WNT3: variants seen among roughly 807,000 people sequenced by gnomAD.
WNT3 encodes the protein Wnt family member 3.
In WNT3, 7 loss-of-function variants were observed where a neutral mutation model predicts 34.2. The ratio of observed to expected loss-of-function variants is 0.20; its 90% CI spans 0.12 to 0.38. The LOEUF is 0.38. Among genes scored for constraint, WNT3 ranks in the 10% least tolerant of loss-of-function variants. WNT3 has a pLI of 1.00. For synonymous variants in WNT3, 212 were observed against 211.5 expected (o/e 1.00, Z -0.02); for missense variants, 267 against 499.8 (o/e 0.53, Z 4.44).
At chr17:46,794,955 T>TG (rs1291245313) in intron 1 of WNT3, among the ~76,000 whole-genome samples, 8 of 152,072 alleles carry the variant, frequency 5.3e-5, no homozygotes, top group Non-Finnish European at 1.2e-4. Flanking sequence ...TTCACCATGT[T>TG]GGCCAGGCTG....
At chr17:46,782,616 C>T (rs916207867) in intron 1 of WNT3, among the ~76,000 whole-genome samples, 2 of 152,386 alleles carry the variant, frequency 1.3e-5, no homozygotes, top group East Asian at 3.9e-4. Context: ...TGGCAGATGT[C>T]AGGACAGGAA....
At chr17:46,813,558 A>G (rs2084303468) in intron 1 of WNT3, among the ~76,000 whole-genome samples, 2 of 151,904 alleles carry the variant, frequency 1.3e-5, no homozygotes, top group Non-Finnish European at 2.9e-5. Context: ...CAGCTGGAGA[A>G]GGTTTCTGTG....
intron 1 of WNT3, among the ~76,000 whole-genome samples, chr17:46,797,016 A>G (rs1334074978): frequency 6.6e-6 from 1 of 152,216 alleles, no homozygotes; most frequent in Admixed American, 6.5e-5. Context: ...AATGGGGGAA[A>G]ATGGGAAAAG....
intron 1 of WNT3, among the ~76,000 whole-genome samples, chr17:46,779,090 CACACACACACA>C (rs2059436685): frequency 1.3e-5 from 2 of 148,336 alleles, no homozygotes; most frequent in South Asian, 2.1e-4. Flanking sequence ...CACACACACA[CACACACACACA>C]CACCCCAGCC....
intron 1 of WNT3, among the ~76,000 whole-genome samples, chr17:46,809,902 T>A (rs2084249174): frequency 6.6e-6 from 1 of 152,056 alleles, no homozygotes; most frequent in Non-Finnish European, 1.5e-5. Context: ...CTGCTGGAAA[T>A]ATCAACTCCT....
At chr17:46,786,286 G>A (rs2059506046) in intron 1 of WNT3, among the ~76,000 whole-genome samples, 1 of 152,124 alleles carries the variant, frequency 6.6e-6, no homozygotes, top group African/African-American at 2.4e-5. Flanking sequence ...AGAAGCGGGG[G>A]ATGGAGGGGT....
In WNT3 at chr17:46,817,724, C is replaced by T. The variant is rs999809183; in HGVS notation, c.80+794G>A. 2.0e-5 allele frequency among the ~76,000 whole-genome samples: 3 copies of T among 151,970 alleles called. No individual in the cohort carries two copies. The East Asian group carries it at 5.8e-4, about 29-fold the overall frequency. On this transcript the variant is annotated intron_variant, in intron 1 of 4. Transcript: ENST00000225512. ...TCTCAGGGACGGAATTCTCCCTTCC[C>T]TCTCCCTTTCTCCTCGGTCCTCGGT...
chr17:46,780,917 C>A (rs1467716286), intron 1 of WNT3, among the ~76,000 whole-genome samples: 1 of 152,100 alleles, frequency 6.6e-6, no homozygotes, highest in African/African-American at 2.4e-5. Context: ...GTGGCCCATA[C>A]ATACAGTGGG....
At chr17:46,789,023 G>A (rs944960095) in intron 1 of WNT3, among the ~76,000 whole-genome samples, 2 of 152,210 alleles carry the variant, frequency 1.3e-5, no homozygotes, top group African/African-American at 4.8e-5. Context: ...AGCTCCCCAG[G>A]GCTCCTCAGA....
intron 1 of WNT3, among the ~76,000 whole-genome samples, chr17:46,800,555 G>C (rs942275657): frequency 1.3e-5 from 2 of 152,202 alleles, no homozygotes; most frequent in Non-Finnish European, 2.9e-5. Flanking sequence ...CACATGAAGA[G>C]GTATCTGAGA....
At chr17:46,767,779 TTTTGTTTG>T (rs200353370) in intron 4 of WNT3, among the ~76,000 whole-genome samples, 6 of 152,040 alleles carry the variant, frequency 3.9e-5, no homozygotes, top group Admixed American at 1.3e-4. Flanking sequence ...TTTTGTTTTT[TTTTGTTTG>T]TTTGTTTGTT....
intron 1 of WNT3, among the ~76,000 whole-genome samples, chr17:46,817,212 T>C (rs1222895929): frequency 3.3e-5 from 5 of 152,216 alleles, no homozygotes; most frequent in Admixed American, 6.5e-5. Context: ...CAAGTCTCGC[T>C]GTCTCTGCTC....
chr17:46,802,369 G>A (rs1055370339), intron 1 of WNT3, among the ~76,000 whole-genome samples: 8 of 152,164 alleles, frequency 5.3e-5, no homozygotes, highest in Non-Finnish European at 8.8e-5. Flanking sequence ...GGGTTCAAGC[G>A]ATTCTCCTGC....
chr17:46,766,562 C>T (rs1161340742), intron 4 of WNT3, among the ~76,000 whole-genome samples: 1 of 152,172 alleles, frequency 6.6e-6, no homozygotes, highest in South Asian at 2.1e-4. Context: ...TGTTCAGATA[C>T]CGACAAAGGT....
intron 1 of WNT3, among the ~76,000 whole-genome samples, chr17:46,789,352 A>G (rs1022716897): frequency 4.6e-5 from 7 of 152,222 alleles, no homozygotes; most frequent in African/African-American, 1.7e-4. Context: ...GATGCAGGCT[A>G]TACACTACGG....
chr17:46,770,514 G>A (rs1186220218), intron 2 of WNT3, among the ~76,000 whole-genome samples: 1 of 150,894 alleles, frequency 6.6e-6, no homozygotes, highest in African/African-American at 2.5e-5. Flanking sequence ...GCCTAAACCT[G>A]CCCAGGCCCA....
chr17:46,818,253 A>G (rs2084378628), intron 1 of WNT3, among the ~76,000 whole-genome samples: 1 of 152,056 alleles, frequency 6.6e-6, no homozygotes, highest in Non-Finnish European at 1.5e-5. Context: ...GTTAGGATCT[A>G]AGAATAAGAA....
intron 4 of WNT3, among the ~76,000 whole-genome samples, chr17:46,764,907 G>A (rs1352885564): frequency 2.0e-5 from 3 of 152,236 alleles, no homozygotes; most frequent in Non-Finnish European, 4.4e-5. Context: ...GGAAGCCCAG[G>A]AGCAGGTCAC....
intron 1 of WNT3, among the ~76,000 whole-genome samples, chr17:46,780,457 A>G (rs931951658): frequency 2.0e-5 from 3 of 152,240 alleles, no homozygotes; most frequent in Non-Finnish European, 4.4e-5. Flanking sequence ...CCTATAATCC[A>G]GCAATGCCAC....
Sources: allele counts gnomAD v4.1 joint callset (sites outside exome capture counted in the v4.1 genomes callset), GRCh38; gene constraint gnomAD v4.1.1; transcripts MANE v1.5; gene names NCBI Gene and HGNC (gene_info 2026-07-23, HGNC 2026-07-21).